Variants in MARK3 observed in about 807,000 individuals in gnomAD.
MARK3 encodes MAP/microtubule affinity-regulating kinase 3.
MARK3 carries 46 observed loss-of-function variants against 90.1 expected under a neutral mutation model. That is an observed-to-expected ratio of 0.51 (90% CI 0.40 to 0.65). The LOEUF is 0.65. Among genes scored for constraint, MARK3 ranks in the 30% least tolerant of loss-of-function variants. The pLI is 0.00. For missense variants in MARK3, 818 were observed against 947.2 expected, an observed-to-expected ratio of 0.86 and a Z score of 1.79; for synonymous variants, 321 against 332.6, an observed-to-expected ratio of 0.97 and a Z score of 0.38.
intron 12 of MARK3, among the ~76,000 whole-genome samples, chr14:103,470,453 C>CTTTTTTTTTTT (rs1555396272): frequency 4.1e-5 from 1 of 24,186 alleles, no homozygotes; most frequent in African/African-American, 1.2e-4. Context: ...GGAACTAAAT[C>CTTTTTTTTTTT]TATTTTTTTT....
In MARK3 at chr14:103,491,985, C is replaced by G. The variant is rs1319085433; in HGVS notation, c.1795C>G (p.Arg599Gly). 6.2e-7 allele frequency: 1 copy of G among 1,614,176 alleles called. No individual in the cohort carries two copies. The highest frequency in any genetic ancestry group is 2.2e-5 in the East Asian group (1 of 44,882). The change falls in exon 15 of 18, where the codon CGA becomes GGA. Residue 599 changes from arginine (R) to glycine (G), a missense_variant. Arg to Gly is a moderately radical substitution (Grantham distance 125). Around this residue, in one of 3 missense-constraint regions of MARK3, gnomAD observed 560 missense variants for 613.5 expected, o/e 0.91. Transcript: ENST00000429436. The stretch of plus-strand genomic sequence containing the variant: ...CACACCATTGTCCCAGACTCGAAGC[C>G]GAGGCTCCACTAATCTCTTTAGTAA... Reference protein sequence around the residue: ...EATPLSQTRSRGSTNLFSKLT... With the variant: ...EATPLSQTRSGGSTNLFSKLT...
At chr14:103,427,517 A>T (rs1341328791) in intron 2 of MARK3, among the ~76,000 whole-genome samples, 1 of 149,520 alleles carries the variant, frequency 6.7e-6, no homozygotes, top group African/African-American at 2.4e-5. Flanking sequence ...AAAAAAAGAA[A>T]CAAAAGAATG....
chr14:103,427,917 T>C (rs187962046), intron 2 of MARK3, among the ~76,000 whole-genome samples: 49 of 152,330 alleles, frequency 3.2e-4, no homozygotes, highest in African/African-American at 1.1e-3. Flanking sequence ...AAGCTCCTCC[T>C]ATCTCACCCT....
chr14:103,479,891 C>T (rs1341544956), intron 13 of MARK3, among the ~76,000 whole-genome samples: 2 of 152,164 alleles, frequency 1.3e-5, no homozygotes, highest in Non-Finnish European at 2.9e-5. Flanking sequence ...CCGCCCACCT[C>T]TGCCTCCCAA....
At chr14:103,427,504 A>AAAAAAAAAAG (rs1163068372) in intron 2 of MARK3, among the ~76,000 whole-genome samples, 1 of 151,024 alleles carries the variant, frequency 6.6e-6, no homozygotes, top group Non-Finnish European at 1.5e-5. Flanking sequence ...TTTCAAAAAA[A>AAAAAAAAAAG]AAAAAAAAAG....
rs115333866 is a variant in MARK3, at chr14:103,430,173, A to G, written c.297+1733A>G. On this transcript the variant is annotated intron_variant, in intron 3 of 17. Coordinates refer to ENST00000429436, the MANE Select transcript of MARK3 (RefSeq NM_001128918.3). ...GATTTGTTTTTGGTATTATTCAAGT[A>G]TGAACCATTCACTGAAGACTTATTC... 2.2e-3 allele frequency among the ~76,000 whole-genome samples: 338 copies of G among 152,330 alleles called. 4 individuals carry two copies. Among genetic ancestry groups the G allele is most frequent in the African/African-American group, 7.8e-3 (325 of 41,560 alleles).
intron 13 of MARK3, among the ~76,000 whole-genome samples, 166 bp from the exon 14 acceptor site, chr14:103,480,221 G>A (rs989746955): frequency 2.6e-5 from 4 of 152,216 alleles, no homozygotes; most frequent in Non-Finnish European, 5.9e-5. Flanking sequence ...GGGAGGCAGA[G>A]CCAAGATTGC....
At chr14:103,412,723 C>T (rs570657005) in intron 2 of MARK3, 2 of 578,516 alleles carry the variant, frequency 3.5e-6, no homozygotes, top group South Asian at 1.5e-5. Flanking sequence ...CTTCCTGCAC[C>T]GCCTCATCCA....
At chr14:103,500,632 TC>T (rs2075610374) in intron 17 of MARK3, among the ~76,000 whole-genome samples, 1 of 151,852 alleles carries the variant, frequency 6.6e-6, no homozygotes, top group African/African-American at 2.4e-5. Context: ...GTTTTGCTTT[TC>T]TTTTTTTTTT....
At chr14:103,461,084 G>C (rs2093391932) in intron 6 of MARK3, among the ~76,000 whole-genome samples, 2 of 152,172 alleles carry the variant, frequency 1.3e-5, no homozygotes, top group Admixed American at 1.3e-4. Flanking sequence ...ACAGCCCTCT[G>C]AGATTTTATG....
At chr14:103,447,971 C>T (rs1270566970) in intron 3 of MARK3, among the ~76,000 whole-genome samples, 1 of 152,126 alleles carries the variant, frequency 6.6e-6, no homozygotes, top group African/African-American at 2.4e-5. Context: ...TGGGGTTTCA[C>T]CATGTTGCCC....
chr14:103,491,634 C>T (rs2094017729), intron 14 of MARK3, 143 bp from the exon 15 acceptor site: 2 of 771,634 alleles, frequency 2.6e-6, no homozygotes, highest in Admixed American at 5.7e-5. Flanking sequence ...ACTTAACTTA[C>T]CTTTTGCTCC....
chr14:103,489,837 G>C (rs911454781), intron 14 of MARK3: 1 of 152,180 alleles, frequency 6.6e-6, no homozygotes, highest in Non-Finnish European at 1.5e-5. Flanking sequence ...CCTGGGGGTA[G>C]TTTTGTCCGG....
At chr14:103,421,567 CGTCG>C (rs1275361286) in intron 2 of MARK3, among the ~76,000 whole-genome samples, 1 of 152,116 alleles carries the variant, frequency 6.6e-6, no homozygotes, top group East Asian at 1.9e-4. Flanking sequence ...GCCAGAGGAA[CGTCG>C]GTCTTTACAC....
intron 1 of MARK3, among the ~76,000 whole-genome samples, chr14:103,401,127 A>G (rs896821592): frequency 1.3e-5 from 2 of 152,050 alleles, no homozygotes; most frequent in Non-Finnish European, 2.9e-5. Flanking sequence ...ACTTTTTCTT[A>G]GGGTCGGTGA....
intron 6 of MARK3, among the ~76,000 whole-genome samples, chr14:103,458,405 G>A (rs1263394845): frequency 8.0e-6 from 1 of 124,638 alleles, no homozygotes; most frequent in African/African-American, 3.0e-5. Flanking sequence ...ATTGTAGTGA[G>A]CCAAGACCGT....
chr14:103,391,583 G>A (rs576833519), intron 1 of MARK3, among the ~76,000 whole-genome samples: 3 of 148,064 alleles, frequency 2.0e-5, no homozygotes, highest in African/African-American at 5.0e-5. Context: ...TTGCTCTGTC[G>A]CCCAGGTTGG....
chr14:103,497,694 ATG>A (rs2075423580), intron 15 of MARK3, among the ~76,000 whole-genome samples: 1 of 152,204 alleles, frequency 6.6e-6, no homozygotes, highest in African/African-American at 2.4e-5. Flanking sequence ...AAAGTGATTT[ATG>A]TCATACCACT....
intron 13 of MARK3, among the ~76,000 whole-genome samples, chr14:103,478,785 C>T (rs1209129343): frequency 1.3e-5 from 2 of 152,034 alleles, no homozygotes; most frequent in African/African-American, 2.4e-5. Flanking sequence ...GTGATCCACC[C>T]GCCTCGGCCT....
Sources: gnomAD v4.1 joint callset for allele counts (sites outside exome capture counted in the v4.1 genomes callset) on GRCh38, gnomAD v4.1.1 for gene constraint, gnomAD v4.1.1 regional missense constraint, MANE v1.5 for transcripts, NCBI Gene and HGNC (gene_info 2026-07-23, HGNC 2026-07-21) for gene names.